The following SCGN variants were observed in gnomAD, a reference collection of about 807,000 sequenced individuals.
SCGN encodes the protein secretagogin, EF-hand calcium binding protein.
SCGN carries 30 observed loss-of-function variants against 39.7 expected under a neutral mutation model. That is an observed-to-expected ratio of 0.76 (90% confidence interval 0.57 to 1.03). SCGN has a LOEUF of 1.03. Ranked by LOEUF, SCGN falls within the 50% of genes least tolerant of loss-of-function variation. SCGN has a pLI of 0.00. For missense variants in SCGN, 353 were observed against 349.4 expected, an observed-to-expected ratio of 1.01 and a Z score of -0.08; for synonymous variants, 106 against 114.1, an observed-to-expected ratio of 0.93 and a Z score of 0.45.
intron 7 of SCGN, among the ~76,000 whole-genome samples, chr6:25,687,578 G>A (rs1308126924): frequency 6.6e-6 from 1 of 151,976 alleles, no homozygotes; most frequent in African/African-American, 2.4e-5. Flanking sequence ...GTAGTTTTTT[G>A]TTGGATTCCT....
Position 25,652,356 on chromosome 6 carries a change from G to A in SCGN, c.-48G>A. 6.7e-7 allele frequency: 1 copy of A among 1,490,000 alleles called. No individual in the cohort carries two copies. Among genetic ancestry groups the A allele is most frequent in the Non-Finnish European group, 9.4e-7 (1 of 1,067,862 alleles). The allele number at this position is 1,490,000 out of a possible 1,614,324, so 92.3% of individuals were successfully genotyped here. A position where few individuals can be genotyped will look rare whatever the true frequency, so the allele number is the denominator to read the frequency against. On this transcript the variant is annotated 5_prime_UTR_variant, in exon 1 of 11. Transcript: ENST00000377961. The stretch of plus-strand genomic sequence containing the variant: ...ATACGGTGAAGGAGTCCTTCCCAAA[G>A]TTGTCTAGGTCCTTCCGCGCCGGTG...
At chr6:25,693,181 G>C (rs1160169272) in intron 10 of SCGN, among the ~76,000 whole-genome samples, 1 of 152,094 alleles carries the variant, frequency 6.6e-6, no homozygotes. Context: ...GCCGGGCGCG[G>C]TGGCTCATGC....
At position 25,652,444 on chromosome 6, in the gene SCGN, C is replaced by T. The variant is rs771973851; in HGVS notation, c.41C>T (p.Ala14Val). The T allele has an allele frequency of 6.8e-6, 11 of 1,614,030 alleles. No homozygotes were observed. The South Asian group carries it at 1.1e-4, about 16-fold the overall frequency. The change falls in exon 1 of 11, where the codon GCC (alanine) becomes GTC (valine). Residue 14 changes from alanine to valine, a missense_variant. Ala to Val is a moderately conservative substitution (Grantham distance 64). Transcript: ENST00000377961. ...SREPTLGRLD[A>V]AGFWQVWQRF... Reference sequence around the variant, plus strand: ...GAACCGACTCTGGGGCGCTTGGACGCCGCTGGCTTCTGGCAGGTCTGGCAG... The same window carrying T: ...GAACCGACTCTGGGGCGCTTGGACGTCGCTGGCTTCTGGCAGGTCTGGCAG...
At chr6:25,664,886 A>C in intron 3 of SCGN, 57 bp from the exon 4 acceptor site, 1 of 1,324,614 alleles carries the variant, frequency 7.5e-7, no homozygotes, top group Non-Finnish European at 1.1e-6. Flanking sequence ...ACCAGGGAGC[A>C]CTCTTGAAAT....
chr6:25,699,997 G>T (rs374158985), intron 10 of SCGN, among the ~76,000 whole-genome samples: 2 of 152,072 alleles, frequency 1.3e-5, no homozygotes, highest in Admixed American at 6.5e-5. Flanking sequence ...TGTAATCCTA[G>T]CACTTTGGGA....
rs765585839 is a variant in SCGN at position 25,670,001 on chromosome 6, C to T, written c.396C>T (p.Asn132=). 1.9e-6 allele frequency: 3 copies of T among 1,613,262 alleles called. No homozygotes were observed. Among genetic ancestry groups the T allele is most frequent in the East Asian group, 4.5e-5 (2 of 44,870 alleles). ...SGFISAAELR[N]FLRDLFLHHK... ...TGATTCTTCTCTTGGCGCCACAGAA[C>T]TTCCTCCGAGACCTCTTTCTTCACC... Residue 132 remains asparagine, a splice_region_variant and synonymous_variant, in exon 6 of 11, where the codon AAC becomes AAT. Transcript: ENST00000377961.
chr6:25,666,177 TA>T (rs59692433), intron 4 of SCGN, among the ~76,000 whole-genome samples: 35,153 of 124,446 alleles, frequency 0.28, 4,677 homozygotes, highest in Middle Eastern at 0.34. Flanking sequence ...CCATCTCTAC[TA>T]AAAAAAAAAA....
At chr6:25,692,464 C>CG (rs1759784889) in intron 10 of SCGN, among the ~76,000 whole-genome samples, 1 of 152,184 alleles carries the variant, frequency 6.6e-6, no homozygotes, top group African/African-American at 2.4e-5. Context: ...CCACCACCCC[C>CG]CAGAGAGGTT....
chr6:25,675,188 A>C (rs1759548628), intron 6 of SCGN, among the ~76,000 whole-genome samples: 1 of 152,192 alleles, frequency 6.6e-6, no homozygotes, highest in Non-Finnish European at 1.5e-5. Context: ...GGAGAAGAAA[A>C]ACAAATTTTC....
At chr6:25,685,240 C>T (rs1487720743) in intron 7 of SCGN, among the ~76,000 whole-genome samples, 1 of 152,152 alleles carries the variant, frequency 6.6e-6, no homozygotes, top group Admixed American at 6.5e-5. Context: ...TTATTTGAAG[C>T]CACTATGTTT....
At chr6:25,656,266 GC>G (rs1205544843) in intron 2 of SCGN, among the ~76,000 whole-genome samples, 1 of 152,166 alleles carries the variant, frequency 6.6e-6, no homozygotes, top group Admixed American at 6.5e-5. Flanking sequence ...GCAGCCCCTT[GC>G]TCTGGTGTTC....
intron 1 of SCGN, 37 bp from the exon 2 acceptor site, chr6:25,653,345 A>G (rs1760167805): frequency 7.6e-7 from 1 of 1,318,646 alleles, no homozygotes; most frequent in African/African-American, 1.5e-5. Flanking sequence ...TGTTTTTTAT[A>G]TGTTAGTATT....
At chr6:25,688,066 T>C (rs1406464858) in intron 7 of SCGN, among the ~76,000 whole-genome samples, 1 of 152,234 alleles carries the variant, frequency 6.6e-6, no homozygotes, top group Non-Finnish European at 1.5e-5. Flanking sequence ...TAGTTATTGT[T>C]TTATGAAATT....
At chr6:25,681,804 A>G in intron 6 of SCGN, 147 bp from the exon 7 acceptor site, 1 of 665,940 alleles carries the variant, frequency 1.5e-6, no homozygotes. Context: ...TCCTTCTGTG[A>G]CAAATACTAA....
At chr6:25,669,478 G>A (rs1397951881) in intron 4 of SCGN, 33 bp from the exon 5 acceptor site, 1 of 1,583,174 alleles carries the variant, frequency 6.3e-7, no homozygotes, top group Admixed American at 1.7e-5. Flanking sequence ...GTTATCTGAG[G>A]ATAAATTAAT....
chr6:25,666,381 T>C (rs1439352192), intron 4 of SCGN, among the ~76,000 whole-genome samples: 1 of 152,094 alleles, frequency 6.6e-6, no homozygotes, highest in East Asian at 1.9e-4. Context: ...TTCTACTTTT[T>C]CAGGCATCTA....
At chr6:25,694,706 C>A (rs919978998) in intron 10 of SCGN, among the ~76,000 whole-genome samples, 2 of 152,194 alleles carry the variant, frequency 1.3e-5, no homozygotes, top group Admixed American at 6.5e-5. Context: ...AAGGTGCATA[C>A]GTTTACTGTG....
intron 10 of SCGN, among the ~76,000 whole-genome samples, chr6:25,696,836 G>A (rs1353710185): frequency 6.6e-6 from 1 of 152,050 alleles, no homozygotes; most frequent in South Asian, 2.1e-4. Context: ...ATATGTTTTC[G>A]CATTATTATG....
At chr6:25,700,367 C>A (rs756145787) in intron 10 of SCGN, among the ~76,000 whole-genome samples, 10 of 152,100 alleles carry the variant, frequency 6.6e-5, no homozygotes, top group Non-Finnish European at 1.5e-4. Context: ...ATTAGACCAG[C>A]CTTTTCTCCA....
Sources: gnomAD v4.1 joint callset for allele counts (sites outside exome capture counted in the v4.1 genomes callset) on GRCh38, gnomAD v4.1.1 for gene constraint, MANE v1.5 for transcripts, NCBI Gene and HGNC (gene_info 2026-07-23, HGNC 2026-07-21) for gene names.